RPS6KA2: variants seen among roughly 807,000 people sequenced by gnomAD.
RPS6KA2 encodes the protein ribosomal protein S6 kinase alpha-2.
A neutral mutation model predicts 91.8 loss-of-function variants in RPS6KA2; 42 were observed. The observed-to-expected ratio is 0.46, with a 90% CI of 0.36 to 0.59. RPS6KA2 has a LOEUF of 0.59. Ranked by LOEUF, RPS6KA2 falls within the 20% of genes least tolerant of loss-of-function variation. RPS6KA2 has a pLI of 0.00. For missense variants in RPS6KA2, 798 were observed against 978.5 expected, an observed-to-expected ratio of 0.82 and a Z score of 2.46; for synonymous variants, 414 against 393.6, an observed-to-expected ratio of 1.05 and a Z score of -0.61.
intron 2 of RPS6KA2, among the ~76,000 whole-genome samples, chr6:166,663,979 C>G (rs1271427622): frequency 6.6e-6 from 1 of 152,242 alleles, no homozygotes; most frequent in African/African-American, 2.4e-5. Context: ...ATCTGTAAAG[C>G]AGGGCCACCT....
chr6:166,425,262 A>C (rs1057476742), intron 16 of RPS6KA2, among the ~76,000 whole-genome samples: 1 of 152,096 alleles, frequency 6.6e-6, no homozygotes, highest in Non-Finnish European at 1.5e-5. Flanking sequence ...AATTTAAAAA[A>C]TTTTAAAATT....
At chr6:166,492,199 G>GC (rs2128474452) in intron 8 of RPS6KA2, among the ~76,000 whole-genome samples, 1 of 152,306 alleles carries the variant, frequency 6.6e-6, no homozygotes, top group South Asian at 2.1e-4. Context: ...GACGTTTGAA[G>GC]CCTGTTCTGT....
chr6:166,588,824 G>A (rs954995715), intron 1 of RPS6KA2, among the ~76,000 whole-genome samples: 2 of 152,166 alleles, frequency 1.3e-5, no homozygotes, highest in Non-Finnish European at 2.9e-5. Context: ...GGCAGCCAAT[G>A]GCCCTCCGTG....
intron 2 of RPS6KA2, among the ~76,000 whole-genome samples, chr6:166,779,405 G>A (rs1311402617): frequency 6.6e-6 from 1 of 152,182 alleles, no homozygotes; most frequent in Non-Finnish European, 1.5e-5. Context: ...AGCCCGGCCC[G>A]CACATGTGGA....
intron 2 of RPS6KA2, among the ~76,000 whole-genome samples, chr6:166,752,840 G>C (rs1257615686): frequency 6.6e-6 from 1 of 152,192 alleles, no homozygotes; most frequent in Non-Finnish European, 1.5e-5. Context: ...CAAGTAGATG[G>C]ATACTCTTGG....
At chr6:166,510,969 C>T (rs1256815897) in intron 3 of RPS6KA2, among the ~76,000 whole-genome samples, 3 of 152,090 alleles carry the variant, frequency 2.0e-5, no homozygotes, top group Middle Eastern at 3.4e-3. Context: ...ATTCTGGGTT[C>T]GTCTGATGGT....
chr6:166,428,390 A>C (rs1358809437), intron 16 of RPS6KA2, among the ~76,000 whole-genome samples: 2 of 143,752 alleles, frequency 1.4e-5, no homozygotes, highest in African/African-American at 5.3e-5. Flanking sequence ...GGACATAGGC[A>C]TGGGCAAGGA....
chr6:166,855,463 G>A (rs1425072880), intron 2 of RPS6KA2, among the ~76,000 whole-genome samples: 4 of 87,336 alleles, frequency 4.6e-5, no homozygotes, highest in African/African-American at 1.4e-4. Context: ...AGAAGAAGAG[G>A]AAGAGGAAGA....
intron 8 of RPS6KA2, 35 bp downstream of exon 8, chr6:166,498,473 C>T (rs374169683): frequency 7.6e-5 from 120 of 1,576,310 alleles, no homozygotes; most frequent in Middle Eastern, 2.0e-4. Flanking sequence ...GGGGAACAGC[C>T]GCCATGGCAC....
chr6:166,789,883 C>T (rs567928754), intron 2 of RPS6KA2, among the ~76,000 whole-genome samples: 1 of 152,198 alleles, frequency 6.6e-6, no homozygotes, highest in African/African-American at 2.4e-5. Context: ...CATCAAAGAC[C>T]AAAAGTAGAT....
At chr6:166,652,195 C>T (rs140061518) in intron 2 of RPS6KA2, among the ~76,000 whole-genome samples, 7 of 152,334 alleles carry the variant, frequency 4.6e-5, no homozygotes, top group Admixed American at 1.3e-4. Flanking sequence ...ATGAGCCATT[C>T]GCGGGTATTA....
intron 1 of RPS6KA2, among the ~76,000 whole-genome samples, chr6:166,594,681 C>G (rs1232076314): frequency 6.6e-6 from 1 of 152,214 alleles, no homozygotes; most frequent in Non-Finnish European, 1.5e-5. Context: ...CCAGGATGGT[C>G]TCGATCTCCT....
In RPS6KA2 at chr6:166,437,837, C is replaced by T. The variant is rs1022614256; in HGVS notation, c.1333-5347G>A. 2.0e-5 allele frequency among the ~76,000 whole-genome samples: 3 copies of T among 152,126 alleles called. No homozygotes were observed. The highest frequency in any genetic ancestry group is 2.9e-5 in the Non-Finnish European group (2 of 68,014). ...CACCTTTCCTCCTGCTGGCCGAAGG[C>T]GGCAACAGGAGACTTCACCGCTCTC... On this transcript the variant is annotated intron_variant, in intron 14 of 20. Transcript: ENST00000265678. This position sits in a 1 kb window ranked among gnomAD's most constrained non-coding sequence, Gnocchi z 4.3.
At chr6:166,837,905 G>A (rs9457227) in intron 2 of RPS6KA2, among the ~76,000 whole-genome samples, 21,157 of 152,262 alleles carry the variant, frequency 0.14, 1,743 homozygotes, top group Middle Eastern at 0.19. Context: ...TATCTTCTAC[G>A]GAATGAAAAT....
rs1349999428 is a variant in RPS6KA2 at position 166,635,590 on chromosome 6, G to C, written c.124-96806C>G. 6.6e-6 allele frequency among the ~76,000 whole-genome samples: 1 copy of C among 152,238 alleles called. No individual in the cohort carries two copies. Among genetic ancestry groups the C allele is most frequent in the East Asian group, 1.9e-4 (1 of 5,192 alleles). On this transcript the variant is annotated intron_variant, in intron 2 of 21. Coordinates refer to the RPS6KA2 transcript ENST00000503859. This position sits in a 1 kb window ranked among gnomAD's most constrained non-coding sequence, Gnocchi z 4.8. Reference sequence around the variant, plus strand: ...AGGTTCATTTGGCTGCTGTGTGAGGGTGTGTTGGAGTGGGGACAGGGCAGA... The same window carrying C: ...AGGTTCATTTGGCTGCTGTGTGAGGCTGTGTTGGAGTGGGGACAGGGCAGA...
At chr6:166,550,742 C>G (rs968635702) in intron 1 of RPS6KA2, among the ~76,000 whole-genome samples, 2 of 152,214 alleles carry the variant, frequency 1.3e-5, no homozygotes, top group East Asian at 3.9e-4. Context: ...ATGGCTCACG[C>G]CTGTAATCCC....
intron 1 of RPS6KA2, among the ~76,000 whole-genome samples, chr6:166,594,585 C>T (rs374244661): frequency 2.0e-5 from 3 of 152,176 alleles, no homozygotes; most frequent in African/African-American, 7.2e-5. Context: ...GCCTCAGCCT[C>T]CCCAGTAGCT....
At chr6:166,552,795 A>T (rs1784060455) in intron 1 of RPS6KA2, among the ~76,000 whole-genome samples, 3 of 151,832 alleles carry the variant, frequency 2.0e-5, no homozygotes, top group Non-Finnish European at 4.4e-5. Context: ...CTAAGTAAAA[A>T]GTTTATCATT....
At chr6:166,855,478 GAA>G (rs1780873685) in intron 2 of RPS6KA2, among the ~76,000 whole-genome samples, 2 of 52,456 alleles carry the variant, frequency 3.8e-5, no homozygotes, top group Non-Finnish European at 9.1e-5. Context: ...GGAAGAGGAA[GAA>G]GAAGAAGAGG....
Sources: gnomAD v4.1 joint callset for allele counts (sites outside exome capture counted in the v4.1 genomes callset) on GRCh38, gnomAD v4.1.1 for gene constraint, Gnocchi (gnomAD v3.1) non-coding constraint, MANE v1.5 for transcripts, NCBI Gene and HGNC (gene_info 2026-07-23, HGNC 2026-07-21) for gene names.